Variants in ZEB1 observed in about 807,000 individuals in gnomAD.
ZEB1 encodes the protein zinc finger E-box-binding homeobox 1.
In ZEB1, 21 loss-of-function variants were observed where a neutral mutation model predicts 84.9. The observed-to-expected ratio is 0.25, with a 90% CI of 0.18 to 0.36. The LOEUF is 0.36. Ranked by LOEUF, ZEB1 falls within the 10% of genes least tolerant of loss-of-function variation. The pLI, the probability that ZEB1 is intolerant of heterozygous loss-of-function variation, is 1.00. For synonymous variants in ZEB1, 420 were observed against 471.1 expected (o/e 0.89, Z 1.41); for missense variants, 1,104 against 1,330.2 (o/e 0.83, Z 2.65).
At chr10:31,369,669 C>A (rs2045335636) in intron 1 of ZEB1, among the ~76,000 whole-genome samples, 2 of 152,162 alleles carry the variant, frequency 1.3e-5, no homozygotes, top group Admixed American at 1.3e-4. Context: ...CATAGGAGTG[C>A]AGATATCCCT....
At chr10:31,322,247 A>G (rs755007948) in intron 1 of ZEB1, among the ~76,000 whole-genome samples, 13 of 152,224 alleles carry the variant, frequency 8.5e-5, no homozygotes, top group Admixed American at 2.6e-4. Flanking sequence ...AAACCTCAGT[A>G]TATGTGCTGG....
At chr10:31,395,996 C>T (rs976281079) in intron 1 of ZEB1, among the ~76,000 whole-genome samples, 1 of 152,090 alleles carries the variant, frequency 6.6e-6, no homozygotes, top group African/African-American at 2.4e-5. Context: ...CAGTTTATAG[C>T]GTTTTCTCTA....
chr10:31,525,413 C>T (rs569551722), intron 8 of ZEB1, among the ~76,000 whole-genome samples: 39 of 152,290 alleles, frequency 2.6e-4, no homozygotes, highest in African/African-American at 9.4e-4. Context: ...CATAAATACT[C>T]CCATCATGGT....
intron 1 of ZEB1, among the ~76,000 whole-genome samples, chr10:31,407,336 A>G (rs991607484): frequency 6.8e-5 from 10 of 146,740 alleles, no homozygotes; most frequent in African/African-American, 2.3e-4. Flanking sequence ...ATGAGTGAGA[A>G]CATGCGGTGT....
In ZEB1 at chr10:31,521,899, A is replaced by G; in HGVS notation, c.2567A>G (p.Glu856Gly). ...YSTTVSPAVQ[E>G]PPLKVIQPNG... ...ACTACGGTCAGCCCTGCAGTCCAAG[A>G]ACCACCCTTGAAAGTGATCCAGCCA... The change falls in exon 7 of 9, where the codon GAA (glutamate) becomes GGA (glycine). Residue 856 changes from glutamate (E) to glycine (G), a missense_variant. Glu to Gly is a moderately conservative substitution (Grantham distance 98). Transcript: ENST00000424869. The G allele has an allele frequency of 6.2e-7, 1 of 1,614,070 alleles. No homozygotes were observed. Among genetic ancestry groups the G allele is most frequent in the Non-Finnish European group, 8.5e-7 (1 of 1,179,984 alleles).
chr10:31,486,466 CT>C (rs1460551908), intron 2 of ZEB1, among the ~76,000 whole-genome samples: 17 of 151,724 alleles, frequency 1.1e-4, no homozygotes, highest in African/African-American at 4.1e-4. Context: ...TTGCATTCCC[CT>C]AATGGCTAAT....
intron 4 of ZEB1, among the ~76,000 whole-genome samples, chr10:31,509,856 A>G (rs191152198): frequency 2.0e-5 from 3 of 152,368 alleles, no homozygotes; most frequent in Admixed American, 1.3e-4. Context: ...AAAATATTAC[A>G]TTTTAGGATT....
At chr10:31,407,515 T>C (rs1258892456) in intron 1 of ZEB1, among the ~76,000 whole-genome samples, 1 of 151,962 alleles carries the variant, frequency 6.6e-6, no homozygotes, top group Non-Finnish European at 1.5e-5. Context: ...TTTGGGTTGG[T>C]TCCAAGTCTT....
At chr10:31,407,092 T>G (rs2053227295) in intron 1 of ZEB1, among the ~76,000 whole-genome samples, 1 of 151,854 alleles carries the variant, frequency 6.6e-6, no homozygotes, top group Non-Finnish European at 1.5e-5. Flanking sequence ...TCTTATTTAT[T>G]TATTTATTTA....
intron 1 of ZEB1, among the ~76,000 whole-genome samples, chr10:31,345,586 G>A (rs2040165018): frequency 6.6e-6 from 1 of 152,084 alleles, no homozygotes; most frequent in South Asian, 2.1e-4. Flanking sequence ...CAACTTGTGT[G>A]GGTTATGAGG....
chr10:31,369,171 C>G (rs1192680714), intron 1 of ZEB1, among the ~76,000 whole-genome samples: 12 of 152,042 alleles, frequency 7.9e-5, no homozygotes. Context: ...GTGTGATGTG[C>G]TTATGCTAAT....
intron 1 of ZEB1, among the ~76,000 whole-genome samples, chr10:31,369,534 T>A (rs1364689990): frequency 6.6e-6 from 1 of 152,232 alleles, no homozygotes; most frequent in East Asian, 1.9e-4. Context: ...AATGACAGAA[T>A]TTTCCCCTTT....
intron 1 of ZEB1, among the ~76,000 whole-genome samples, chr10:31,331,081 C>T (rs373602188): frequency 0.014 from 1,105 of 77,724 alleles, 43 homozygotes; most frequent in African/African-American, 0.038. Flanking sequence ...TTCTTTCTTT[C>T]TTTTTTTTTT....
intron 1 of ZEB1, among the ~76,000 whole-genome samples, chr10:31,455,594 C>CA (rs145630617): frequency 0.25 from 37,900 of 151,990 alleles, 10,451 homozygotes; most frequent in African/African-American, 0.69. Context: ...AAAAAGTGGG[C>CA]AAGGATATGA....
intron 1 of ZEB1, among the ~76,000 whole-genome samples, chr10:31,409,163 C>T (rs1460945518): frequency 6.6e-6 from 1 of 152,148 alleles, no homozygotes; most frequent in Non-Finnish European, 1.5e-5. Context: ...GATCACTGGC[C>T]ATCAGAGAAA....
chr10:31,406,885 G>C (rs1160537492), intron 1 of ZEB1, among the ~76,000 whole-genome samples: 1 of 151,980 alleles, frequency 6.6e-6, no homozygotes, highest in African/African-American at 2.4e-5. Context: ...TGTAAGGAAG[G>C]GTTCCAGTTT....
At chr10:31,380,782 G>A (rs1564654408) in intron 1 of ZEB1, among the ~76,000 whole-genome samples, 1 of 152,066 alleles carries the variant, frequency 6.6e-6, no homozygotes, top group Non-Finnish European at 1.5e-5. Context: ...GATACTGCAA[G>A]GACCACATAG....
intron 1 of ZEB1, among the ~76,000 whole-genome samples, chr10:31,345,932 T>C (rs535181525): frequency 5.9e-5 from 9 of 152,312 alleles, no homozygotes; most frequent in South Asian, 2.1e-4. Flanking sequence ...AAATGAAATA[T>C]AGATTCTTAA....
intron 1 of ZEB1, chr10:31,321,066 G>A (rs1442550860): frequency 2.4e-6 from 2 of 844,670 alleles, no homozygotes; most frequent in Admixed American, 5.7e-5. Context: ...TCGAGAAAAC[G>A]AGGAAATACG....
Sources: gnomAD v4.1 joint callset for allele counts (sites outside exome capture counted in the v4.1 genomes callset) on GRCh38, gnomAD v4.1.1 for gene constraint, MANE v1.5 for transcripts, NCBI Gene and HGNC (gene_info 2026-07-23, HGNC 2026-07-21) for gene names.